MYO1E: variants seen among roughly 807,000 people sequenced by gnomAD.
The protein encoded by MYO1E is unconventional myosin-Ie.
MYO1E carries 68 observed loss-of-function variants against 151.1 expected under a neutral mutation model. The ratio of observed to expected loss-of-function variants is 0.45; its 90% confidence interval spans 0.37 to 0.55. The LOEUF (loss-of-function observed/expected upper bound fraction) is 0.55. Among genes scored for constraint, MYO1E ranks in the 20% least tolerant of loss-of-function variants. The pLI, the probability that MYO1E is intolerant of heterozygous loss-of-function variation, is 0.00. For synonymous variants in MYO1E, 601 were observed against 501.7 expected, an observed-to-expected ratio of 1.20 and a Z score of -2.64; for missense variants, 1,363 against 1,389.3, an observed-to-expected ratio of 0.98 and a Z score of 0.30.
chr15:59,171,467 G>T (rs1416927260), intron 22 of MYO1E, among the ~76,000 whole-genome samples: 1 of 152,136 alleles, frequency 6.6e-6, no homozygotes, highest in Non-Finnish European at 1.5e-5. Context: ...ACTCCCTAAG[G>T]AAGTCCCAAA....
chr15:59,316,308 A>G (rs2080588419), intron 1 of MYO1E, among the ~76,000 whole-genome samples: 1 of 152,200 alleles, frequency 6.6e-6, no homozygotes, highest in Non-Finnish European at 1.5e-5. Flanking sequence ...AAAGTCCTTG[A>G]CAGCAGAGTG....
At chr15:59,285,087 C>T (rs1409581678) in intron 1 of MYO1E, among the ~76,000 whole-genome samples, 2 of 152,126 alleles carry the variant, frequency 1.3e-5, no homozygotes, top group African/African-American at 2.4e-5. Context: ...CTTAGACATT[C>T]GGTAATACGA....
intron 15 of MYO1E, 84 bp downstream of exon 15, chr15:59,205,316 C>A (rs1596364092): frequency 7.5e-7 from 1 of 1,341,230 alleles, no homozygotes; most frequent in Non-Finnish European, 1.1e-6. Flanking sequence ...GAACACACCA[C>A]CACACCCAGC....
At chr15:59,209,209 C>T (rs1413270203) in intron 13 of MYO1E, among the ~76,000 whole-genome samples, 4 of 152,172 alleles carry the variant, frequency 2.6e-5, no homozygotes, top group African/African-American at 7.2e-5. Context: ...TCTCTTTCAG[C>T]GTGTTACCCA....
chr15:59,188,887 C>A (rs1266629734), intron 17 of MYO1E, among the ~76,000 whole-genome samples: 2 of 152,032 alleles, frequency 1.3e-5, no homozygotes, highest in African/African-American at 4.8e-5. Context: ...GATGCTAATG[C>A]TGGTTTTGTT....
chr15:59,150,263 C>T (rs907437316), intron 26 of MYO1E, among the ~76,000 whole-genome samples: 1 of 152,230 alleles, frequency 6.6e-6, no homozygotes, highest in African/African-American at 2.4e-5. Flanking sequence ...GCCTCATGGC[C>T]TGCCTCCAAG....
intron 25 of MYO1E, among the ~76,000 whole-genome samples, chr15:59,157,300 T>C (rs2079514755): frequency 6.6e-6 from 1 of 152,232 alleles, no homozygotes; most frequent in Admixed American, 6.5e-5. Context: ...TACTTTGTTT[T>C]TTTGAACAGG....
rs1389521840 is a variant in MYO1E, at chr15:59,159,954, C to A, written c.2785+1119G>T. 6.6e-6 allele frequency among the ~76,000 whole-genome samples: 1 copy of A among 152,220 alleles called. No homozygotes were observed. Among genetic ancestry groups the A allele is most frequent in the Non-Finnish European group, 1.5e-5 (1 of 68,044 alleles). ...CCACCTCCTGGGTTCAAGCAATTCT[C>A]CTGCCTCAGCCTCCCAAGTAGCTGG... On this transcript the variant is annotated intron_variant, in intron 24 of 27. Transcript: ENST00000288235. The surrounding 1 kb of genome is among the most constrained non-coding windows in gnomAD (Gnocchi z 4.4).
intron 1 of MYO1E, among the ~76,000 whole-genome samples, chr15:59,367,228 C>A (rs2080919653): frequency 6.6e-6 from 1 of 152,186 alleles, no homozygotes; most frequent in South Asian, 2.1e-4. Flanking sequence ...TGTTCTTTCA[C>A]TGAGTCTCAC....
In MYO1E at chr15:59,339,557, G is replaced by A. The variant is rs1330480338; in HGVS notation, c.3+32941C>T. On this transcript the variant is annotated intron_variant, in intron 1 of 27. Transcript: ENST00000288235. ...CCAAGAGACACAAAAGGGCAGCTCTGGGCATGTTAGGCTCCCATCCCAGAC... is the reference window on the plus strand; with the variant it reads ...CCAAGAGACACAAAAGGGCAGCTCTAGGCATGTTAGGCTCCCATCCCAGAC... Among the ~76,000 whole-genome samples, 5 of 152,164 alleles carry A rather than the reference G, an allele frequency of 3.3e-5. No homozygotes were observed. The East Asian group carries it at 9.6e-4, about 29-fold the overall frequency.
At position 59,132,789 on chromosome 15, in the gene MYO1E, G is replaced by C. The variant is rs2079352650; in HGVS notation, c.*4591C>G. 1 of 152,206 alleles carries C rather than the reference G, an allele frequency of 6.6e-6. No homozygotes were observed. Among genetic ancestry groups the C allele is most frequent in the Non-Finnish European group, 1.5e-5 (1 of 68,042 alleles). 9.4% of individuals were successfully genotyped at this position (152,206 alleles called of 1,614,324 possible). ...GGTGGTGCTAAGTAAAGTATGCCAA[G>C]CACTTAGTATAGCTTCTAGTGTGAA... On this transcript the variant is annotated 3_prime_UTR_variant, in exon 28 of 28. Transcript: ENST00000288235.
At position 59,205,561 on chromosome 15, in the gene MYO1E, A is replaced by G. The variant is rs1326329519; in HGVS notation, c.1531-76T>C. 5 of 1,399,276 alleles carry G rather than the reference A, an allele frequency of 3.6e-6. No individual in the cohort carries two copies. The African/African-American group carries it at 7.1e-5, about 20-fold the overall frequency. The allele number at this position is 1,399,276 out of a possible 1,614,324, so 86.7% of individuals were successfully genotyped here. A position where few individuals can be genotyped will look rare whatever the true frequency, so the allele number is the denominator to read the frequency against. On this transcript the variant is annotated intron_variant, in intron 14 of 27. Transcript: ENST00000288235. ...TTGAACAAAATCATTTATTGAACAA[A>G]AAATCTAATTTCACCAAACAAAAAA...
intron 26 of MYO1E, among the ~76,000 whole-genome samples, chr15:59,139,583 A>C (rs1331972518): frequency 1.4e-5 from 2 of 139,462 alleles, no homozygotes; most frequent in Non-Finnish European, 1.5e-5. Flanking sequence ...TTCTTGTCAA[A>C]CTTCCCTCCC....
At chr15:59,158,148 T>G in intron 25 of MYO1E, 139 bp downstream of exon 25, 1 of 781,616 alleles carries the variant, frequency 1.3e-6, no homozygotes, top group Non-Finnish European at 2.2e-6. Flanking sequence ...GGCTGCTGTG[T>G]TGTACATGTG....
At chr15:59,178,308 G>GAAA in intron 19 of MYO1E, 85 bp downstream of exon 19, 2 of 1,530,838 alleles carry the variant, frequency 1.3e-6, no homozygotes, top group South Asian at 2.4e-5. Flanking sequence ...CGAAGAATGA[G>GAAA]AAAAAGAAGC....
intron 17 of MYO1E, among the ~76,000 whole-genome samples, chr15:59,194,032 G>A (rs1430320694): frequency 6.6e-6 from 1 of 152,152 alleles, no homozygotes; most frequent in Non-Finnish European, 1.5e-5. Context: ...GAAGTAGCCA[G>A]GCATGATGGT....
intron 4 of MYO1E, among the ~76,000 whole-genome samples, chr15:59,239,048 A>G (rs2140359463): frequency 1.3e-5 from 2 of 151,368 alleles, no homozygotes; most frequent in East Asian, 2.0e-4. Context: ...TCTACTAAAA[A>G]TACAAAAACT....
intron 4 of MYO1E, among the ~76,000 whole-genome samples, chr15:59,249,401 G>C (rs982049426): frequency 4.9e-5 from 7 of 144,058 alleles, no homozygotes; most frequent in Non-Finnish European, 9.0e-5. Flanking sequence ...CTCCAGCCTG[G>C]TGACAGAGCA....
At chr15:59,278,839 T>C (rs2080336598) in intron 1 of MYO1E, among the ~76,000 whole-genome samples, 1 of 152,164 alleles carries the variant, frequency 6.6e-6, no homozygotes, top group Non-Finnish European at 1.5e-5. Flanking sequence ...TACATAATTA[T>C]CTCATTTAAT....
Sources: allele counts gnomAD v4.1 joint callset (sites outside exome capture counted in the v4.1 genomes callset), GRCh38; gene constraint gnomAD v4.1.1; non-coding constraint Gnocchi (gnomAD v3.1); transcripts MANE v1.5; gene names NCBI Gene and HGNC (gene_info 2026-07-23, HGNC 2026-07-21).